The following SKIC3 variants were observed in gnomAD, a reference collection of about 807,000 sequenced individuals.
SKIC3 encodes superkiller complex protein 3.
the SKIC3 span, chr5:95,514,720 C>T: frequency 5.1e-6 from 4 of 780,274 alleles, no homozygotes; most frequent in Admixed American, 2.3e-5. Flanking sequence ...ATAGTGTATA[C>T]AAAGAGCTAA....
chr5:95,515,131 C>T, the SKIC3 span: 3 of 507,896 alleles, frequency 5.9e-6, no homozygotes, highest in Non-Finnish European at 1.1e-5. Context: ...AGATTTCTCC[C>T]CAGGTTAGGA....
At chr5:95,503,141 T>A in the SKIC3 span, 6 of 953,736 alleles carry the variant, frequency 6.3e-6, no homozygotes, top group African/African-American at 3.3e-5. Flanking sequence ...CTCAAGCAGA[T>A]AGAATAAAAA....
the SKIC3 span, among the ~76,000 whole-genome samples, chr5:95,554,452 T>G: frequency 6.6e-6 from 1 of 152,184 alleles, no homozygotes; most frequent in Non-Finnish European, 1.5e-5. Flanking sequence ...AATGATATTC[T>G]GAACCTACGT....
chr5:95,551,206 A>C, the SKIC3 span, among the ~76,000 whole-genome samples: 2 of 152,278 alleles, frequency 1.3e-5, no homozygotes, highest in South Asian at 2.1e-4. Context: ...ATAGTAACAC[A>C]ACTACACATC....
chr5:95,474,193 A>C, the SKIC3 span, among the ~76,000 whole-genome samples: 1 of 152,176 alleles, frequency 6.6e-6, no homozygotes, highest in South Asian at 2.1e-4. Flanking sequence ...TATTTTTGTC[A>C]GCCTTGTCAA....
At chr5:95,552,473 A>G in the SKIC3 span, among the ~76,000 whole-genome samples, 1 of 152,362 alleles carries the variant, frequency 6.6e-6, no homozygotes, top group Admixed American at 6.5e-5. Flanking sequence ...TACATATTCA[A>G]TAAATAGCTA....
the SKIC3 span, chr5:95,547,142 G>A: frequency 6.2e-7 from 1 of 1,612,740 alleles, no homozygotes; most frequent in Non-Finnish European, 8.5e-7. Context: ...TCACTTCCTT[G>A]CTGGACATTC....
the SKIC3 span, chr5:95,464,593 A>T: frequency 6.3e-7 from 1 of 1,598,866 alleles, no homozygotes; most frequent in Non-Finnish European, 8.6e-7. Flanking sequence ...TCCTTACTAT[A>T]AAATAATCCA....
the SKIC3 span, among the ~76,000 whole-genome samples, chr5:95,476,803 G>C: frequency 6.6e-6 from 1 of 152,092 alleles, no homozygotes; most frequent in African/African-American, 2.4e-5. Flanking sequence ...AGGGGGACAG[G>C]TATACATGGG....
the SKIC3 span, among the ~76,000 whole-genome samples, chr5:95,526,205 T>C: frequency 6.6e-6 from 1 of 152,142 alleles, no homozygotes; most frequent in Non-Finnish European, 1.5e-5. Flanking sequence ...TTGAACTTAA[T>C]GATAATGCCT....
At chr5:95,527,464 AG>A in the SKIC3 span, among the ~76,000 whole-genome samples, 2 of 152,352 alleles carry the variant, frequency 1.3e-5, no homozygotes, top group Non-Finnish European at 2.9e-5. Flanking sequence ...AATTTAGACC[AG>A]TAATAGTCTT....
At chr5:95,540,744 C>T in the SKIC3 span, 1 of 1,614,100 alleles carries the variant, frequency 6.2e-7, no homozygotes, top group Non-Finnish European at 8.5e-7. Context: ...GGAACTGAGT[C>T]AATTTTCTCC....
At chr5:95,553,597 G>C in the SKIC3 span, among the ~76,000 whole-genome samples, 1 of 151,396 alleles carries the variant, frequency 6.6e-6, no homozygotes, top group Non-Finnish European at 1.5e-5. Context: ...TTTTGCTCTT[G>C]TTGCCCAGGC....
At chr5:95,504,014 T>C in the SKIC3 span, 1 of 1,486,528 alleles carries the variant, frequency 6.7e-7, no homozygotes, top group Admixed American at 1.8e-5. Flanking sequence ...TGAGATATAA[T>C]TACACTAAGT....
At chr5:95,541,509 A>G in the SKIC3 span, 1 of 914,340 alleles carries the variant, frequency 1.1e-6, no homozygotes, top group South Asian at 1.5e-5. Flanking sequence ...AAATTAGAAC[A>G]TATCTTCTTT....
chr5:95,479,648 G>A, the SKIC3 span, among the ~76,000 whole-genome samples: 1 of 150,406 alleles, frequency 6.6e-6, no homozygotes, highest in East Asian at 2.0e-4. Context: ...TTTATCATAG[G>A]TATGCATGTA....
the SKIC3 span, among the ~76,000 whole-genome samples, chr5:95,553,022 A>ATG: frequency 0.24 from 36,720 of 152,034 alleles, 5,911 homozygotes; most frequent in African/African-American, 0.46. Context: ...TAAATGTGGA[A>ATG]TGAGGTACTC....
the SKIC3 span, among the ~76,000 whole-genome samples, chr5:95,494,304 ATTCCCTTTTGCCTTAT>A: frequency 8.9e-4 from 136 of 152,268 alleles, no homozygotes; most frequent in East Asian, 0.024. Flanking sequence ...TTTTCTTAAA[ATTCCCTTTTGCCTTAT>A]TTCATGGAAA....
chr5:95,525,658 T>C, the SKIC3 span: 1 of 1,614,000 alleles, frequency 6.2e-7, no homozygotes, highest in African/African-American at 1.3e-5. Context: ...CCTGGGATAT[T>C]ATCTGCATCA....
Sources: gnomAD v4.1 joint callset for allele counts (sites outside exome capture counted in the v4.1 genomes callset) on GRCh38, gnomAD v4.1.1 for gene constraint, MANE v1.5 for transcripts, NCBI Gene and HGNC (gene_info 2026-07-23, HGNC 2026-07-21) for gene names.